TBC1D19: variants seen among roughly 807,000 people sequenced by gnomAD.
TBC1D19 encodes the protein TBC1 domain family, member 19.
A neutral mutation model predicts 89.0 loss-of-function variants in TBC1D19; 60 were observed. The ratio of observed to expected loss-of-function variants is 0.67; its 90% CI spans 0.55 to 0.84. The LOEUF is 0.84. TBC1D19 is among the 40% of genes least tolerant of loss of function. The pLI is 0.00. For missense variants in TBC1D19, 500 were observed against 610.8 expected, an observed-to-expected ratio of 0.82 and a Z score of 1.91; for synonymous variants, 189 against 199.7, an observed-to-expected ratio of 0.95 and a Z score of 0.45.
the TBC1D19 span, among the ~76,000 whole-genome samples, chr4:26,826,320 G>C: frequency 3.3e-5 from 5 of 152,178 alleles, no homozygotes; most frequent in African/African-American, 1.2e-4. Flanking sequence ...TCTAGTATCA[G>C]GGAATTCCTG....
chr4:26,733,273 A>C (rs1044689229), intron 15 of TBC1D19, among the ~76,000 whole-genome samples: 2 of 152,240 alleles, frequency 1.3e-5, no homozygotes, highest in Non-Finnish European at 2.9e-5. Flanking sequence ...AACATCAACA[A>C]TTAACATTTG....
chr4:26,585,148 G>T, intron 1 of TBC1D19: 2 of 434,972 alleles, frequency 4.6e-6, no homozygotes, highest in Admixed American at 2.5e-5. Context: ...TTTTTTTCTT[G>T]GATAAATACC....
At chr4:26,720,232 T>C in intron 15 of TBC1D19, 107 bp downstream of exon 15, 1 of 807,584 alleles carries the variant, frequency 1.2e-6, no homozygotes. Context: ...ATTTATTATC[T>C]AAAATAAACC....
intron 6 of TBC1D19, 70 bp from the exon 7 acceptor site, chr4:26,640,071 A>G (rs749174896): frequency 9.3e-7 from 1 of 1,078,722 alleles, no homozygotes; most frequent in South Asian, 1.4e-5. Context: ...TGAAAGAATG[A>G]TTAACATTTA....
chr4:26,789,714 A>C, the TBC1D19 span, among the ~76,000 whole-genome samples: 5 of 152,218 alleles, frequency 3.3e-5, no homozygotes. Context: ...TATCTACCCA[A>C]GGCAAAAGAA....
At chr4:26,814,679 C>A in the TBC1D19 span, among the ~76,000 whole-genome samples, 2 of 152,352 alleles carry the variant, frequency 1.3e-5, no homozygotes, top group South Asian at 4.1e-4. Context: ...TTATGTCCTT[C>A]CAAATCTTTA....
chr4:26,794,086 T>C, the TBC1D19 span, among the ~76,000 whole-genome samples: 4 of 152,214 alleles, frequency 2.6e-5, no homozygotes, highest in Non-Finnish European at 4.4e-5. Context: ...CAAAAGGAGA[T>C]TGATGTTCAG....
chr4:26,812,587 A>T, the TBC1D19 span, among the ~76,000 whole-genome samples: 254 of 152,294 alleles, frequency 1.7e-3, no homozygotes, highest in Non-Finnish European at 2.6e-3. The surrounding 1 kb of genome is among the most constrained non-coding windows in gnomAD (Gnocchi z 4.2). Context: ...CTTTTAGTCA[A>T]CAAAGCCACA....
the TBC1D19 span, among the ~76,000 whole-genome samples, chr4:26,807,999 A>G: frequency 1.3e-5 from 2 of 152,244 alleles, no homozygotes; most frequent in Admixed American, 1.3e-4. Flanking sequence ...GATAAGTCAC[A>G]AGCCAGAGGC....
chr4:26,615,370 G>A (rs1337773806), intron 3 of TBC1D19, among the ~76,000 whole-genome samples: 1 of 151,860 alleles, frequency 6.6e-6, no homozygotes, highest in Non-Finnish European at 1.5e-5. Flanking sequence ...ACTAAGCACT[G>A]AGCATATAGT....
chr4:26,825,941 C>G, the TBC1D19 span, among the ~76,000 whole-genome samples: 1 of 152,214 alleles, frequency 6.6e-6, no homozygotes, highest in Admixed American at 6.5e-5. Context: ...GTGGCTCACG[C>G]CTGTAATCCC....
chr4:26,686,700 C>A (rs1207170091), intron 12 of TBC1D19, among the ~76,000 whole-genome samples: 1 of 152,098 alleles, frequency 6.6e-6, no homozygotes, highest in Non-Finnish European at 1.5e-5. Flanking sequence ...ATAGTATCCC[C>A]CTGTTGAGAA....
At chr4:26,843,853 G>A in the TBC1D19 span, among the ~76,000 whole-genome samples, 1 of 152,146 alleles carries the variant, frequency 6.6e-6, no homozygotes, top group African/African-American at 2.4e-5. Context: ...GGTGAAGCAG[G>A]AACAGGCCTG....
At chr4:26,787,057 G>C in the TBC1D19 span, among the ~76,000 whole-genome samples, 1 of 151,532 alleles carries the variant, frequency 6.6e-6, no homozygotes, top group Non-Finnish European at 1.5e-5. Context: ...GACAAGGCTT[G>C]TGAAGCACCT....
chr4:26,745,538 C>T (rs528466798), intron 18 of TBC1D19, among the ~76,000 whole-genome samples: 33 of 104,102 alleles, frequency 3.2e-4, no homozygotes, highest in African/African-American at 1.2e-3. Context: ...GATGGAGTCT[C>T]ACTCTGTCAC....
intron 13 of TBC1D19, among the ~76,000 whole-genome samples, chr4:26,694,418 C>T (rs935002093): frequency 5.9e-5 from 9 of 152,176 alleles, no homozygotes; most frequent in Non-Finnish European, 8.8e-5. Context: ...CTGGGTGGAG[C>T]GCACCTCAGC....
rs200202689 is a variant in TBC1D19, at chr4:26,666,355, G to T, written c.614G>T (p.Gly205Val). The change falls in exon 9 of 21, where the codon GGC becomes GTC. Residue 205 changes from glycine to valine, a missense_variant. By Grantham distance (109) the Gly-to-Val change is moderately radical. Coordinates refer to ENST00000264866, the MANE Select transcript of TBC1D19 (RefSeq NM_018317.4). ...CAGAAAGAATGCTTTGTGGAACTTG[G>T]CTTAAATATAGGACAACTGGGTATA... is the stretch of plus-strand genomic sequence containing the variant. ...PELKECFVEL[G>V]LNIGQLGIDD... 1.9e-6 allele frequency: 3 copies of T among 1,610,838 alleles called. No individual in the cohort carries two copies. In the East Asian group the frequency reaches 6.7e-5, roughly 36 times the overall value.
chr4:26,683,811 A>G, intron 12 of TBC1D19, 62 bp downstream of exon 12: 1 of 1,334,816 alleles, frequency 7.5e-7, no homozygotes, highest in Non-Finnish European at 1.1e-6. Context: ...GAGATTCTTC[A>G]GTATGCAGAG....
At chr4:26,781,897 AT>A in the TBC1D19 span, among the ~76,000 whole-genome samples, 1 of 151,102 alleles carries the variant, frequency 6.6e-6, no homozygotes, top group East Asian at 2.0e-4. Flanking sequence ...AAGGCAGAAC[AT>A]TTTTTACTCA....
Sources: allele counts gnomAD v4.1 joint callset (sites outside exome capture counted in the v4.1 genomes callset), GRCh38; gene constraint gnomAD v4.1.1; non-coding constraint Gnocchi (gnomAD v3.1); transcripts MANE v1.5; gene names NCBI Gene and HGNC (gene_info 2026-07-23, HGNC 2026-07-21).